Variants in ANO7 observed in about 807,000 individuals in gnomAD.
ANO7 encodes the protein anoctamin-7.
Under a neutral mutation model 115.8 loss-of-function variants are expected in ANO7, and 114 were observed. That is an observed-to-expected ratio of 0.98 (90% CI 0.85 to 1.15). The LOEUF is 1.15. Ranked by LOEUF, ANO7 falls within the 50% of genes most tolerant of loss-of-function variation. The pLI, the probability that ANO7 is intolerant of heterozygous loss-of-function variation, is 0.00. For synonymous variants in ANO7, 550 were observed against 498.2 expected, an observed-to-expected ratio of 1.10 and a Z score of -1.38; for missense variants, 1,302 against 1,201.2, an observed-to-expected ratio of 1.08 and a Z score of -1.24.
the ANO7 span, among the ~76,000 whole-genome samples, chr2:241,231,775 CAG>C: frequency 6.6e-6 from 1 of 152,086 alleles, no homozygotes; most frequent in African/African-American, 2.4e-5. Context: ...GCAGACCAAG[CAG>C]ACAGTTCAGG....
chr2:241,236,977 TGGGGGGG>T, the ANO7 span, among the ~76,000 whole-genome samples: 41 of 108,248 alleles, frequency 3.8e-4, no homozygotes, highest in African/African-American at 1.5e-3. Flanking sequence ...TCCCAGACCT[TGGGGGGG>T]GGGGGGGGGG....
intron 21 of ANO7, among the ~76,000 whole-genome samples, chr2:241,218,627 T>A (rs1251215579): frequency 1.3e-5 from 2 of 152,136 alleles, no homozygotes; most frequent in African/African-American, 4.8e-5. Context: ...TAGTTGGTCA[T>A]AGTGTAGCAG....
rs1326097348 is a variant in ANO7 at position 241,224,190 on chromosome 2, GC to G, written c.*41del. ...ACATCTGGTGGTCCTTAGGGGAGTG[GC>G]CCCTCCTGAGCCCTGCGAGCAGCGT... On this transcript the variant is annotated 3_prime_UTR_variant, in exon 25 of 25. Transcript: ENST00000674324. 3 of 1,610,804 alleles carry G rather than the reference GC, an allele frequency of 1.9e-6. No individual in the cohort carries two copies. In the African/African-American group the frequency reaches 4.0e-5, roughly 22 times the overall value.
the ANO7 span, among the ~76,000 whole-genome samples, chr2:241,239,359 C>A: frequency 4.6e-5 from 7 of 152,082 alleles, no homozygotes; most frequent in Non-Finnish European, 7.4e-5. This position sits in a 1 kb window ranked among gnomAD's most constrained non-coding sequence, Gnocchi z 4.6. Context: ...CCCCTCTCCT[C>A]TTCTCCTTCT....
At chr2:241,235,700 A>G in the ANO7 span, 1 of 719,014 alleles carries the variant, frequency 1.4e-6, no homozygotes, top group Non-Finnish European at 2.5e-6. Flanking sequence ...GCCCTATGAC[A>G]ACAGCAATGT....
chr2:241,222,137 G>A (rs1209313966), intron 21 of ANO7, among the ~76,000 whole-genome samples: 1 of 151,998 alleles, frequency 6.6e-6, no homozygotes, highest in African/African-American at 2.4e-5. Flanking sequence ...AGGAGGCTGA[G>A]GCAGGAGAAT....
downstream of ANO7, chr2:241,230,722 A>G (rs762951864): frequency 4.4e-6 from 7 of 1,594,978 alleles, no homozygotes; most frequent in Non-Finnish European, 8.6e-7. The surrounding 1 kb of genome is among the most constrained non-coding windows in gnomAD (Gnocchi z 5.0). Flanking sequence ...CCCCGGTGAG[A>G]GAGGATTCTC....
the ANO7 span, chr2:241,235,722 C>A: frequency 1.6e-6 from 1 of 638,510 alleles, no homozygotes; most frequent in Non-Finnish European, 2.8e-6. Context: ...CCCCACCCGA[C>A]AATGCCACCA....
At chr2:241,190,727 C>T (rs2068180309) in intron 2 of ANO7, among the ~76,000 whole-genome samples, 1 of 152,196 alleles carries the variant, frequency 6.6e-6, no homozygotes. Flanking sequence ...CTGAGATGAG[C>T]CTCCAGGGAG....
downstream of ANO7, among the ~76,000 whole-genome samples, chr2:241,227,004 G>A (rs1227805280): frequency 2.6e-5 from 4 of 152,220 alleles, no homozygotes; most frequent in Non-Finnish European, 5.9e-5. Flanking sequence ...AAAGGGAGTG[G>A]CAGGTGCTGC....
chr2:241,212,019 G>GTCCT, intron 15 of ANO7, 75 bp from the exon 16 acceptor site: 1 of 1,063,422 alleles, frequency 9.4e-7, no homozygotes, highest in Non-Finnish European at 1.5e-6. Context: ...TGGCAAGGTG[G>GTCCT]TCCTAGGAGA....
At chr2:241,210,140 T>C (rs538754618) in intron 13 of ANO7, among the ~76,000 whole-genome samples, 155 bp from the exon 14 acceptor site, 10 of 152,156 alleles carry the variant, frequency 6.6e-5, no homozygotes, top group Admixed American at 6.5e-4. Context: ...GGACATAGCC[T>C]GGGAGCACAG....
At chr2:241,210,974 TTC>T (rs1398919369) in intron 15 of ANO7, among the ~76,000 whole-genome samples, 3 of 152,136 alleles carry the variant, frequency 2.0e-5, no homozygotes, top group Non-Finnish European at 2.9e-5. Context: ...CTGGTTTTCT[TTC>T]TCTTATTTTT....
Position 241,209,641 on chromosome 2 carries a change from C to A in ANO7, c.1359+6C>A. 3.2e-6 allele frequency: 5 copies of A among 1,539,004 alleles called. No individual in the cohort carries two copies. The highest frequency in any genetic ancestry group is 4.4e-6 in the Non-Finnish European group (5 of 1,145,804). On this transcript the variant is annotated splice_donor_region_variant and intron_variant, in intron 13 of 24. Coordinates refer to ENST00000674324, the MANE Select transcript of ANO7 (RefSeq NM_001370694.2). ...CTGTGGTGATCGTGGTGATGGTATG[C>A]GGTCCCCCTGCCCTCCGCTCACGCC...
chr2:241,235,101 C>G, the ANO7 span: 1 of 1,609,860 alleles, frequency 6.2e-7, no homozygotes, highest in African/African-American at 1.3e-5. Flanking sequence ...TGGGCAGTGC[C>G]CCGGCCACCT....
At chr2:241,190,727 C>G (rs2068180309) in intron 2 of ANO7, among the ~76,000 whole-genome samples, 1 of 152,196 alleles carries the variant, frequency 6.6e-6, no homozygotes, top group African/African-American at 2.4e-5. Flanking sequence ...CTGAGATGAG[C>G]CTCCAGGGAG....
intron 23 of ANO7, 33 bp downstream of exon 23, chr2:241,223,814 C>T: frequency 1.2e-6 from 2 of 1,614,154 alleles, no homozygotes; most frequent in Non-Finnish European, 1.7e-6. Context: ...GGCCCTCCCC[C>T]CAGCCCTCTC....
At chr2:241,218,510 G>T (rs1404519475) in intron 21 of ANO7, 129 bp downstream of exon 21, 3 of 769,096 alleles carry the variant, frequency 3.9e-6, no homozygotes, top group Non-Finnish European at 5.2e-6. Context: ...GCCGGGGGAG[G>T]GGGGGAGCTG....
intron 21 of ANO7, among the ~76,000 whole-genome samples, chr2:241,219,039 C>T (rs1470144898): frequency 6.6e-6 from 1 of 152,216 alleles, no homozygotes; most frequent in African/African-American, 2.4e-5. Flanking sequence ...TCTTCCTTTT[C>T]TCCTGTCTTA....
Sources: gnomAD v4.1 joint callset for allele counts (sites outside exome capture counted in the v4.1 genomes callset) on GRCh38, gnomAD v4.1.1 for gene constraint, Gnocchi (gnomAD v3.1) non-coding constraint, MANE v1.5 for transcripts, NCBI Gene and HGNC (gene_info 2026-07-23, HGNC 2026-07-21) for gene names.